Variants in PCGF6 observed in about 807,000 individuals in gnomAD.
PCGF6 encodes polycomb group ring finger 6, also known as polycomb group RING finger protein 6.
PCGF6 carries 24 observed loss-of-function variants against 45.5 expected under a neutral mutation model. That is an observed-to-expected ratio of 0.53 (90% CI 0.38 to 0.74). The LOEUF is 0.74. Ranked by LOEUF, PCGF6 falls within the 30% of genes least tolerant of loss-of-function variation. PCGF6 has a pLI of 0.00. For missense variants in PCGF6, 356 were observed against 443.2 expected (o/e 0.80, Z 1.77); for synonymous variants, 152 against 162.1 (o/e 0.94, Z 0.47).
Position 103,350,884 on chromosome 10 carries a change from G to T in PCGF6, c.183C>A (p.Pro61=). The change falls in exon 1 of 10, where the codon CCC becomes CCA. Residue 61 remains proline (P), a synonymous_variant. Transcript: ENST00000369847. ...TGAPGCSGSR[P]PELEPERSLG... ...GGCTGCGCTCCGGCTCCAGCTCAGGGGGCCGGGAGCCGGAGCAGCCGGGAG... is the reference window on the plus strand; with the variant it reads ...GGCTGCGCTCCGGCTCCAGCTCAGGTGGCCGGGAGCCGGAGCAGCCGGGAG... 6.5e-7 allele frequency: 1 copy of T among 1,533,414 alleles called. No homozygotes were observed. Among genetic ancestry groups the T allele is most frequent in the Non-Finnish European group, 8.8e-7 (1 of 1,142,090 alleles). 95.0% of individuals were successfully genotyped at this position (1,533,414 alleles called of 1,614,324 possible). A position where few individuals can be genotyped will look rare whatever the true frequency, so the allele number is the denominator to read the frequency against.
chr10:103,305,722 G>A (rs772257970), intron 9 of PCGF6, among the ~76,000 whole-genome samples: 64 of 152,044 alleles, frequency 4.2e-4, no homozygotes, highest in Middle Eastern at 3.4e-3. Context: ...TTTAATGAAA[G>A]CCTAAAATAT....
At position 103,348,881 on chromosome 10, in the gene PCGF6, A is replaced by T. The variant is rs1463337958; in HGVS notation, c.460+19T>A. ...TCAAAAACTGAAAAATTATTCAGAA[A>T]TGTGATCGGTATGCTTACAGGTATG... is the stretch of plus-strand genomic sequence containing the variant. On this transcript the variant is annotated intron_variant, in intron 2 of 9. Coordinates refer to ENST00000369847, the MANE Select transcript of PCGF6 (RefSeq NM_001011663.2). 1 of 1,605,084 alleles carries T rather than the reference A, an allele frequency of 6.2e-7. No homozygotes were observed. Among genetic ancestry groups the T allele is most frequent in the Non-Finnish European group, 8.5e-7 (1 of 1,173,856 alleles).
At chr10:103,322,102 G>A (rs1387023390) in intron 8 of PCGF6, among the ~76,000 whole-genome samples, 4 of 152,044 alleles carry the variant, frequency 2.6e-5, no homozygotes, top group Admixed American at 2.6e-4. Flanking sequence ...CACCATGTTG[G>A]CCAGGCTAGT....
At chr10:103,307,050 G>A (rs1351174189) in intron 9 of PCGF6, among the ~76,000 whole-genome samples, 1 of 152,018 alleles carries the variant, frequency 6.6e-6, no homozygotes, top group Non-Finnish European at 1.5e-5. Flanking sequence ...GTTGCAGTGA[G>A]CCAAGATCAT....
intron 6 of PCGF6, among the ~76,000 whole-genome samples, chr10:103,339,336 C>T (rs2093269909): frequency 6.6e-6 from 1 of 151,866 alleles, no homozygotes; most frequent in African/African-American, 2.4e-5. Flanking sequence ...GCTGCAGTAA[C>T]CTGAGATCGC....
At position 103,348,831 on chromosome 10, in the gene PCGF6, G is replaced by C; in HGVS notation, c.461-19C>G. The C allele has an allele frequency of 1.2e-6, 2 of 1,606,082 alleles. No homozygotes were observed. Among genetic ancestry groups the C allele is most frequent in the Middle Eastern group, 3.3e-4 (2 of 6,024 alleles). ...TTACAAACTGTTGAAAAAGAATGTT[G>C]AAGTCAGGATGCTTTCAAGACATTT... On this transcript the variant is annotated intron_variant, in intron 2 of 9. Transcript: ENST00000369847.
intron 1 of PCGF6, among the ~76,000 whole-genome samples, chr10:103,349,574 AGATTCAAGT>A (rs1243415662): frequency 8.0e-6 from 1 of 124,460 alleles, no homozygotes; most frequent in African/African-American, 3.1e-5. Flanking sequence ...TCCGCCTCCC[AGATTCAAGT>A]GATTCTCCTA....
Position 103,351,100 on chromosome 10 carries a change from G to C in PCGF6, c.-34C>G, listed in dbSNP as rs1177944404. The C allele has an allele frequency of 7.5e-7, 1 of 1,339,670 alleles. No individual in the cohort carries two copies. The highest frequency in any genetic ancestry group is 9.6e-7 in the Non-Finnish European group (1 of 1,045,264). The allele number at this position is 1,339,670 out of a possible 1,614,324, so 83.0% of individuals were successfully genotyped here. A position where few individuals can be genotyped will look rare whatever the true frequency, so the allele number is the denominator to read the frequency against. Reference sequence around the variant, plus strand: ...GAGACACCAGGCGAGGCGAGGCGGCGGGAGAGCGCGGGAGTTCGGCCGGCC... The same window carrying C: ...GAGACACCAGGCGAGGCGAGGCGGCCGGAGAGCGCGGGAGTTCGGCCGGCC... On this transcript the variant is annotated 5_prime_UTR_variant, in exon 1 of 10. Coordinates refer to ENST00000369847, the MANE Select transcript of PCGF6 (RefSeq NM_001011663.2).
intron 7 of PCGF6, among the ~76,000 whole-genome samples, chr10:103,333,114 A>AT (rs75051428): frequency 6.0e-5 from 8 of 133,906 alleles, no homozygotes; most frequent in Admixed American, 1.5e-4. Flanking sequence ...GGAAGACTCC[A>AT]TTTAAAAAAA....
chr10:103,341,051 G>A (rs987972755), intron 6 of PCGF6, among the ~76,000 whole-genome samples: 6 of 151,858 alleles, frequency 4.0e-5, no homozygotes, highest in Non-Finnish European at 8.8e-5. Context: ...CTGACATGGC[G>A]AAACCCTGTC....
chr10:103,339,811 ACACACAC>A (rs1264328572), intron 6 of PCGF6, among the ~76,000 whole-genome samples: 755 of 45,020 alleles, frequency 0.017, 48 homozygotes, highest in East Asian at 0.032. Context: ...CAAAAAAAAA[ACACACAC>A]ACACACACAC....
intron 3 of PCGF6, among the ~76,000 whole-genome samples, chr10:103,347,711 AAG>A (rs1206281798): frequency 5.3e-5 from 8 of 152,240 alleles, no homozygotes; most frequent in African/African-American, 1.9e-4. Flanking sequence ...TGTGTGTGAC[AAG>A]GTCTCACTTT....
intron 9 of PCGF6, among the ~76,000 whole-genome samples, chr10:103,304,487 C>T (rs1460228773): frequency 6.6e-6 from 1 of 151,982 alleles, no homozygotes; most frequent in Non-Finnish European, 1.5e-5. Flanking sequence ...ATTACACGTG[C>T]GTGCTACCAG....
At chr10:103,332,844 G>C (rs1397036365) in intron 7 of PCGF6, among the ~76,000 whole-genome samples, 1 of 152,162 alleles carries the variant, frequency 6.6e-6, no homozygotes, top group African/African-American at 2.4e-5. Context: ...GTCGGGCGCA[G>C]TGGCTCACAC....
At chr10:103,305,456 A>G (rs1003911721) in intron 9 of PCGF6, among the ~76,000 whole-genome samples, 5 of 151,970 alleles carry the variant, frequency 3.3e-5, no homozygotes, top group African/African-American at 1.2e-4. Context: ...ATTTTAGTAG[A>G]GACGGGGTTT....
intron 8 of PCGF6, among the ~76,000 whole-genome samples, chr10:103,326,324 G>C (rs1419442757): frequency 6.7e-6 from 1 of 150,008 alleles, no homozygotes; most frequent in Non-Finnish European, 1.5e-5. Context: ...GGGAGGCTGA[G>C]CTTGCAGTGA....
chr10:103,320,930 T>A lies in PCGF6; in HGVS notation c.909+5604A>T, dbSNP rs117720914. 1.6e-4 allele frequency among the ~76,000 whole-genome samples: 25 copies of A among 152,266 alleles called. No individual in the cohort carries two copies. The East Asian group carries it at 4.8e-3, about 29-fold the overall frequency. On this transcript the variant is annotated intron_variant, in intron 8 of 9. Transcript: ENST00000369847. ...GACTGCAGGACACCAAGAATTGTAG[T>A]CTGATGACTAGCAAACCAGCTCAAT...
chr10:103,327,400 C>T lies in PCGF6; in HGVS notation c.811-768G>A, dbSNP rs546756098. Among the ~76,000 whole-genome samples the T allele has an allele frequency of 5.3e-5, 8 of 152,166 alleles. No individual in the cohort carries two copies. In the South Asian group the frequency reaches 1.7e-3, roughly 32 times the overall value. ...GGGTGTAAATGACAAATACATTAACCAATTACAATGTATGGACCTTACTGA... is the reference window on the plus strand; with the variant it reads ...GGGTGTAAATGACAAATACATTAACTAATTACAATGTATGGACCTTACTGA... On this transcript the variant is annotated intron_variant, in intron 7 of 9. Transcript: ENST00000369847.
intron 8 of PCGF6, 56 bp downstream of exon 8, chr10:103,326,478 G>A: frequency 9.5e-7 from 1 of 1,047,532 alleles, no homozygotes; most frequent in South Asian, 1.7e-5. Context: ...TCTTTCTACA[G>A]TGTGCTAAAG....
Sources: allele counts gnomAD v4.1 joint callset (sites outside exome capture counted in the v4.1 genomes callset), GRCh38; gene constraint gnomAD v4.1.1; transcripts MANE v1.5; gene names NCBI Gene and HGNC (gene_info 2026-07-23, HGNC 2026-07-21).